STARD13: variants seen among roughly 807,000 people sequenced by gnomAD.
STARD13 encodes stAR-related lipid transfer protein 13.
A neutral mutation model predicts 106.4 loss-of-function variants in STARD13; 62 were observed. That is an observed-to-expected ratio of 0.58 (90% confidence interval 0.48 to 0.72). STARD13 has a LOEUF of 0.72. STARD13 is among the 30% of genes least tolerant of loss of function. STARD13 has a pLI of 0.00. For synonymous variants in STARD13, 565 were observed against 553.0 expected, an observed-to-expected ratio of 1.02 and a Z score of -0.31; for missense variants, 1,387 against 1,424.0, an observed-to-expected ratio of 0.97 and a Z score of 0.42.
chr13:33,635,531 G>A, the STARD13 span, among the ~76,000 whole-genome samples: 25 of 151,976 alleles, frequency 1.6e-4, no homozygotes, highest in African/African-American at 6.0e-4. Context: ...GTGGTGGTGG[G>A]CGCCTGTAGT....
intron 4 of STARD13, among the ~76,000 whole-genome samples, chr13:33,139,359 T>C (rs1241747071): frequency 1.3e-5 from 2 of 152,228 alleles, no homozygotes; most frequent in African/African-American, 4.8e-5. Flanking sequence ...AACTGTGACA[T>C]GGAGTTAAGG....
At chr13:33,548,444 T>G in the STARD13 span, among the ~76,000 whole-genome samples, 1 of 152,176 alleles carries the variant, frequency 6.6e-6, no homozygotes, top group Non-Finnish European at 1.5e-5. Flanking sequence ...TTTGATGAAA[T>G]GGACTGAAGC....
the STARD13 span, among the ~76,000 whole-genome samples, chr13:33,528,259 T>TAC: frequency 3.9e-5 from 5 of 126,968 alleles, no homozygotes; most frequent in African/African-American, 1.8e-4. Flanking sequence ...TATATATACA[T>TAC]ATATATATAT....
At chr13:33,218,803 A>G in intron 1 of STARD13, among the ~76,000 whole-genome samples, 1 of 152,204 alleles carries the variant, frequency 6.6e-6, no homozygotes, top group East Asian at 1.9e-4. Flanking sequence ...TATTTGTGAA[A>G]CTCAGCATTA....
chr13:33,263,351 C>CT (rs1300786171), intron 1 of STARD13, among the ~76,000 whole-genome samples: 1 of 152,140 alleles, frequency 6.6e-6, no homozygotes, highest in Non-Finnish European at 1.5e-5. Context: ...AAGGAGCCCC[C>CT]TCTCCTTTAA....
chr13:33,111,463 G>A (rs1053830626), intron 10 of STARD13, among the ~76,000 whole-genome samples: 1 of 152,186 alleles, frequency 6.6e-6, no homozygotes, highest in African/African-American at 2.4e-5. Flanking sequence ...TCACACAGAT[G>A]TTTAACCTAA....
chr13:33,307,463 G>A (rs569258675), intron 1 of STARD13, among the ~76,000 whole-genome samples: 186 of 152,296 alleles, frequency 1.2e-3, no homozygotes, highest in African/African-American at 4.2e-3. Context: ...TATACACCAT[G>A]GAATAGTATG....
Position 33,130,387 on chromosome 13 carries a change from C to T in STARD13, c.388-98G>A. 1 of 1,187,168 alleles carries T rather than the reference C, an allele frequency of 8.4e-7. No individual in the cohort carries two copies. The highest frequency in any genetic ancestry group is 1.2e-6 in the Non-Finnish European group (1 of 841,968). 73.5% of individuals were successfully genotyped at this position (1,187,168 alleles called of 1,614,324 possible). Reference sequence around the variant, plus strand: ...CAGCCCTGTGTGGTCCTCCACCTCCCTCCCCTCTGTCCTCCCATGCACAGG... The same window carrying T: ...CAGCCCTGTGTGGTCCTCCACCTCCTTCCCCTCTGTCCTCCCATGCACAGG... On this transcript the variant is annotated intron_variant, in intron 4 of 13. Transcript: ENST00000336934. The surrounding 1 kb of genome is among the most constrained non-coding windows in gnomAD (Gnocchi z 4.1).
chr13:33,513,152 G>A, the STARD13 span, among the ~76,000 whole-genome samples: 1 of 152,152 alleles, frequency 6.6e-6, no homozygotes, highest in Non-Finnish European at 1.5e-5. Context: ...TGTGCTGACT[G>A]TTGACTTATC....
chr13:33,651,141 T>A, the STARD13 span, among the ~76,000 whole-genome samples: 3 of 152,262 alleles, frequency 2.0e-5, no homozygotes, highest in East Asian at 5.8e-4. Context: ...TTCCTTATTA[T>A]GTTTTAAAAA....
At chr13:33,266,646 C>A (rs9597080) in intron 1 of STARD13, among the ~76,000 whole-genome samples, 18,245 of 152,196 alleles carry the variant, frequency 0.12, 1,265 homozygotes, top group East Asian at 0.2. Flanking sequence ...GGTGGAAATA[C>A]AGCTTCTTCC....
At chr13:33,379,559 C>A in the STARD13 span, among the ~76,000 whole-genome samples, 19 of 152,270 alleles carry the variant, frequency 1.2e-4, no homozygotes, top group East Asian at 3.1e-3. Context: ...ATTGCCTGTT[C>A]TCTCACTGGG....
chr13:33,151,528 A>G (rs1365623989), intron 3 of STARD13, among the ~76,000 whole-genome samples: 1 of 152,210 alleles, frequency 6.6e-6, no homozygotes, highest in Non-Finnish European at 1.5e-5. Context: ...TCCATGAGCC[A>G]ACACCTCCCA....
At chr13:33,590,367 A>G in the STARD13 span, among the ~76,000 whole-genome samples, 1 of 152,156 alleles carries the variant, frequency 6.6e-6, no homozygotes, top group East Asian at 1.9e-4. Flanking sequence ...CCCAAGGATT[A>G]TAAATCATGC....
intron 1 of STARD13, among the ~76,000 whole-genome samples, chr13:33,204,785 C>G (rs1887296888): frequency 6.6e-6 from 1 of 152,234 alleles, no homozygotes; most frequent in South Asian, 2.1e-4. Flanking sequence ...CAGACGTTGG[C>G]CTGTGGCCAT....
intron 12 of STARD13, among the ~76,000 whole-genome samples, chr13:33,109,285 CA>C (rs1394848187): frequency 6.6e-6 from 1 of 152,180 alleles, no homozygotes; most frequent in Non-Finnish European, 1.5e-5. Context: ...CATCCCCTTC[CA>C]AACCCCAAGA....
At chr13:33,648,462 G>A in the STARD13 span, among the ~76,000 whole-genome samples, 18 of 152,204 alleles carry the variant, frequency 1.2e-4, no homozygotes, top group African/African-American at 1.9e-4. Flanking sequence ...ACTTTTTTTC[G>A]TGTTTGGAAT....
At chr13:33,404,562 A>G in the STARD13 span, among the ~76,000 whole-genome samples, 1 of 152,214 alleles carries the variant, frequency 6.6e-6, no homozygotes, top group Non-Finnish European at 1.5e-5. Flanking sequence ...AGCTACTTAA[A>G]GGCATGACTA....
the STARD13 span, among the ~76,000 whole-genome samples, chr13:33,657,898 T>C: frequency 6.6e-6 from 1 of 152,268 alleles, no homozygotes; most frequent in African/African-American, 2.4e-5. Context: ...AGTGTATTTT[T>C]TGACTGTGGC....
Sources: gnomAD v4.1 joint callset for allele counts (sites outside exome capture counted in the v4.1 genomes callset) on GRCh38, gnomAD v4.1.1 for gene constraint, Gnocchi (gnomAD v3.1) non-coding constraint, MANE v1.5 for transcripts, NCBI Gene and HGNC (gene_info 2026-07-23, HGNC 2026-07-21) for gene names.